SLC35F3: variants seen among roughly 807,000 people sequenced by gnomAD.
The protein encoded by SLC35F3 is solute carrier family 35 member F3.
A neutral mutation model predicts 49.9 loss-of-function variants in SLC35F3; 25 were observed. That is an observed-to-expected ratio of 0.50 (90% CI 0.37 to 0.70). The LOEUF (loss-of-function observed/expected upper bound fraction) is 0.70. SLC35F3 is among the 30% of genes least tolerant of loss of function. The pLI, the probability that SLC35F3 is intolerant of heterozygous loss-of-function variation, is 0.00. For synonymous variants in SLC35F3, 275 were observed against 265.4 expected, an observed-to-expected ratio of 1.04 and a Z score of -0.35; for missense variants, 525 against 639.8, an observed-to-expected ratio of 0.82 and a Z score of 1.94.
chr1:233,905,875 C>CTGA, intron 2 of SLC35F3, 117 bp downstream of exon 2: 1 of 955,070 alleles, frequency 1.0e-6, no homozygotes. Flanking sequence ...GCCCTGCCTG[C>CTGA]TGATACAGAC....
intron 2 of SLC35F3, among the ~76,000 whole-genome samples, chr1:234,150,718 A>G (rs940943961): frequency 6.6e-6 from 1 of 152,200 alleles, no homozygotes; most frequent in African/African-American, 2.4e-5. Flanking sequence ...CCTACATTAA[A>G]ATAAAGCAAC....
chr1:233,919,349 G>A (rs760370497), intron 2 of SLC35F3, among the ~76,000 whole-genome samples: 3 of 152,146 alleles, frequency 2.0e-5, no homozygotes, highest in Non-Finnish European at 4.4e-5. Flanking sequence ...GTCCACCTTG[G>A]TTGCAACCCC....
chr1:234,102,567 G>A (rs1665229729), intron 2 of SLC35F3, among the ~76,000 whole-genome samples: 1 of 152,218 alleles, frequency 6.6e-6, no homozygotes, highest in African/African-American at 2.4e-5. Flanking sequence ...AGATGAATGA[G>A]TTAGTGCCTA....
chr1:234,271,508 CTCTT>C (rs1489506648), intron 3 of SLC35F3, among the ~76,000 whole-genome samples: 18 of 152,270 alleles, frequency 1.2e-4, no homozygotes, highest in Admixed American at 1.1e-3. Flanking sequence ...AGAAATAATG[CTCTT>C]TCTGTTATCT....
intron 3 of SLC35F3, among the ~76,000 whole-genome samples, chr1:234,304,754 T>C (rs1287897618): frequency 1.3e-5 from 2 of 152,142 alleles, no homozygotes; most frequent in African/African-American, 4.8e-5. Context: ...ATCTCCCCAA[T>C]TACACCTTCT....
chr1:234,289,476 G>A (rs1342499492), intron 3 of SLC35F3, among the ~76,000 whole-genome samples: 1 of 152,142 alleles, frequency 6.6e-6, no homozygotes, highest in East Asian at 1.9e-4. Context: ...TATAAAGGTG[G>A]AAATCCAAGA....
chr1:234,156,486 G>A (rs1468371902), intron 2 of SLC35F3, among the ~76,000 whole-genome samples: 1 of 152,146 alleles, frequency 6.6e-6, no homozygotes, highest in East Asian at 1.9e-4. Context: ...ATGAGGAGTC[G>A]TAACTGTCAT....
intron 2 of SLC35F3, among the ~76,000 whole-genome samples, chr1:234,098,311 G>C (rs1164418319): frequency 6.7e-6 from 1 of 149,962 alleles, no homozygotes; most frequent in Non-Finnish European, 1.5e-5. Flanking sequence ...TGGTGTTATA[G>C]GGTGATGATG....
chr1:234,179,913 CT>C (rs1441312256), intron 2 of SLC35F3, among the ~76,000 whole-genome samples: 2 of 152,182 alleles, frequency 1.3e-5, no homozygotes, highest in Non-Finnish European at 2.9e-5. Flanking sequence ...GGTAAAAAGC[CT>C]TTCCCCCGAC....
Position 234,320,795 on chromosome 1 carries a change from T to C in SLC35F3, c.1237+608T>C, listed in dbSNP as rs1417542247. Among the ~76,000 whole-genome samples the C allele has an allele frequency of 6.6e-6, 1 of 152,166 alleles. No homozygotes were observed. Among genetic ancestry groups the C allele is most frequent in the Non-Finnish European group, 1.5e-5 (1 of 68,014 alleles). ...TGCCAAGGCACACAGTTGACAGCTCTTTCAGAAGCTTGTCTTCACCTGCCC... is the reference window on the plus strand; with the variant it reads ...TGCCAAGGCACACAGTTGACAGCTCCTTCAGAAGCTTGTCTTCACCTGCCC... On this transcript the variant is annotated intron_variant, in intron 7 of 7. Transcript: ENST00000366618. The surrounding 1 kb of genome is among the most constrained non-coding windows in gnomAD (Gnocchi z 4.8).
At chr1:233,982,576 G>A (rs1449708298) in intron 2 of SLC35F3, among the ~76,000 whole-genome samples, 1 of 152,140 alleles carries the variant, frequency 6.6e-6, no homozygotes, top group African/African-American at 2.4e-5. Flanking sequence ...GTTTCTCCAT[G>A]TTGGTCAGCC....
At chr1:234,125,788 C>T (rs1181245355) in intron 2 of SLC35F3, among the ~76,000 whole-genome samples, 2 of 152,198 alleles carry the variant, frequency 1.3e-5, no homozygotes, top group African/African-American at 2.4e-5. Context: ...TGGCACGGCA[C>T]TCCCCGCCTT....
intron 2 of SLC35F3, among the ~76,000 whole-genome samples, chr1:234,217,604 G>A (rs1667142176): frequency 6.6e-6 from 1 of 151,942 alleles, no homozygotes; most frequent in Admixed American, 6.6e-5. Flanking sequence ...GCCTTTCTGA[G>A]GGGAAGGCCT....
intron 2 of SLC35F3, among the ~76,000 whole-genome samples, chr1:233,915,216 C>G (rs1462985352): frequency 6.6e-6 from 1 of 152,162 alleles, no homozygotes; most frequent in Non-Finnish European, 1.5e-5. Flanking sequence ...TATTTTTATC[C>G]TTCTTCACCA....
intron 2 of SLC35F3, among the ~76,000 whole-genome samples, chr1:233,950,726 T>C (rs1023681560): frequency 7.2e-5 from 11 of 152,128 alleles, no homozygotes; most frequent in Non-Finnish European, 1.6e-4. Context: ...CCTATCACAC[T>C]TCATCCCTTT....
At chr1:234,023,261 A>G (rs1309358668) in intron 2 of SLC35F3, among the ~76,000 whole-genome samples, 1 of 152,206 alleles carries the variant, frequency 6.6e-6, no homozygotes, top group African/African-American at 2.4e-5. Context: ...AGCTGATTTT[A>G]GAGCTGAGGA....
chr1:233,940,620 A>G (rs962258797), intron 2 of SLC35F3, among the ~76,000 whole-genome samples: 1 of 152,264 alleles, frequency 6.6e-6, no homozygotes, highest in Non-Finnish European at 1.5e-5. Flanking sequence ...GCAGTAAGGT[A>G]TAATTTTGAC....
At chr1:233,961,947 G>C (rs1482508813) in intron 2 of SLC35F3, among the ~76,000 whole-genome samples, 1 of 152,154 alleles carries the variant, frequency 6.6e-6, no homozygotes, top group Non-Finnish European at 1.5e-5. Context: ...AACTTCTGGC[G>C]TGTTTTAATC....
chr1:234,158,570 A>C (rs1458593), intron 2 of SLC35F3, among the ~76,000 whole-genome samples: 20,717 of 152,172 alleles, frequency 0.14, 4,440 homozygotes, highest in African/African-American at 0.46. Flanking sequence ...ACTATAATCT[A>C]CTATAATCTC....
Sources: allele counts gnomAD v4.1 joint callset (sites outside exome capture counted in the v4.1 genomes callset), GRCh38; gene constraint gnomAD v4.1.1; non-coding constraint Gnocchi (gnomAD v3.1); transcripts MANE v1.5; gene names NCBI Gene and HGNC (gene_info 2026-07-23, HGNC 2026-07-21).